The following RHOA variants were observed in gnomAD, a reference collection of about 807,000 sequenced individuals.
RHOA encodes transforming protein RhoA.
RHOA carries 3 observed loss-of-function variants against 17.5 expected under a neutral mutation model. The observed-to-expected ratio is 0.17, with a 90% CI of 0.08 to 0.44. The LOEUF (loss-of-function observed/expected upper bound fraction) is 0.44. Ranked by LOEUF, RHOA falls within the 20% of genes least tolerant of loss-of-function variation. The pLI is 0.99. For synonymous variants in RHOA, 98 were observed against 88.4 expected (o/e 1.11, Z -0.61); for missense variants, 56 against 242.3 (o/e 0.23, Z 5.10).
chr3:49,406,025 A>T (rs1255712739), intron 1 of RHOA, among the ~76,000 whole-genome samples: 1 of 152,236 alleles, frequency 6.6e-6, no homozygotes. Flanking sequence ...AAAGATAAAC[A>T]GAGCTTCATT....
chr3:49,381,722 G>C (rs758652236), intron 1 of RHOA, among the ~76,000 whole-genome samples: 1 of 151,400 alleles, frequency 6.6e-6, no homozygotes, highest in African/African-American at 2.4e-5. Flanking sequence ...AAAATTAGCC[G>C]GGCATGGTGG....
Position 49,387,117 on chromosome 3 carries a change from C to CAAAA in RHOA, c.-2-11530_-2-11527dup, listed in dbSNP as rs56262356. 8.5e-4 allele frequency among the ~76,000 whole-genome samples: 21 copies of CAAAA among 24,642 alleles called. 1 individual carries two copies. The highest frequency in any genetic ancestry group is 1.1e-3 in the African/African-American group (8 of 7,024). The allele number at this position is 24,642 out of a possible 152,430, so 16.2% of individuals were successfully genotyped here. On this transcript the variant is annotated intron_variant, in intron 1 of 4. Coordinates refer to ENST00000418115, the MANE Select transcript of RHOA (RefSeq NM_001664.4). ...GGGCAACAAGAGAGAAACTCCGTCT[C>CAAAA]AAAAAAAAAAAAAAAAAAAAAAAAA...
chr3:49,392,048 G>A (rs116526223), intron 1 of RHOA, among the ~76,000 whole-genome samples: 1,742 of 148,254 alleles, frequency 0.012, 33 homozygotes, highest in African/African-American at 0.042. Context: ...GGCTGGTCTC[G>A]AACTCCTATC....
At chr3:49,408,061 G>A (rs959559405) in intron 1 of RHOA, among the ~76,000 whole-genome samples, 1 of 151,974 alleles carries the variant, frequency 6.6e-6, no homozygotes, top group East Asian at 1.9e-4. Flanking sequence ...TCCAGAGGCC[G>A]AGGCACAAGA....
At chr3:49,368,803 G>A (rs2048100829) in intron 2 of RHOA, among the ~76,000 whole-genome samples, 1 of 150,402 alleles carries the variant, frequency 6.6e-6, no homozygotes, top group Non-Finnish European at 1.5e-5. Flanking sequence ...CGTCTCCCGG[G>A]TTCACACCAT....
At chr3:49,387,115 C>T (rs1292647932) in intron 1 of RHOA, among the ~76,000 whole-genome samples, 5 of 42,930 alleles carry the variant, frequency 1.2e-4, no homozygotes, top group Non-Finnish European at 1.8e-4. Context: ...GAAACTCCGT[C>T]TCAAAAAAAA....
At chr3:49,411,362 T>C (rs1451194976) in intron 1 of RHOA, among the ~76,000 whole-genome samples, 1 of 152,270 alleles carries the variant, frequency 6.6e-6, no homozygotes, top group Admixed American at 6.5e-5. Flanking sequence ...GAAACAGTGA[T>C]TGTCGTTTCT....
intron 1 of RHOA, among the ~76,000 whole-genome samples, chr3:49,387,441 C>A (rs1277166678): frequency 1.3e-5 from 1 of 76,964 alleles, no homozygotes; most frequent in African/African-American, 4.5e-5. Context: ...GAGACTCCAT[C>A]TCGGGGGAAA....
intron 1 of RHOA, among the ~76,000 whole-genome samples, chr3:49,389,936 CAAAA>C (rs577683876): frequency 7.8e-5 from 6 of 76,524 alleles, no homozygotes; most frequent in Admixed American, 3.0e-4. Context: ...GACTCCACCT[CAAAA>C]AAAAAAAAAA....
chr3:49,391,622 C>T (rs1480095075), intron 1 of RHOA, among the ~76,000 whole-genome samples: 1 of 151,962 alleles, frequency 6.6e-6, no homozygotes, highest in African/African-American at 2.4e-5. Flanking sequence ...CAACTCACTA[C>T]AACCTCCGCC....
intron 2 of RHOA, among the ~76,000 whole-genome samples, chr3:49,372,171 T>C (rs2048156491): frequency 6.6e-6 from 1 of 152,160 alleles, no homozygotes; most frequent in Non-Finnish European, 1.5e-5. Context: ...TGTCATCACA[T>C]TTCTACCTAG....
chr3:49,399,086 A>AAAAAAAAAAAAAAAAC (rs2048673791), intron 1 of RHOA, among the ~76,000 whole-genome samples: 1 of 132,378 alleles, frequency 7.6e-6, no homozygotes, highest in African/African-American at 2.8e-5. Context: ...AAAAAAAAAA[A>AAAAAAAAAAAAAAAAC]AGGCTGGGCA....
chr3:49,389,693 G>T (rs1013849760), intron 1 of RHOA, among the ~76,000 whole-genome samples: 2 of 152,108 alleles, frequency 1.3e-5, no homozygotes, highest in African/African-American at 4.8e-5. Flanking sequence ...TGTAATCCCA[G>T]CACTTTGGGA....
chr3:49,392,781 G>A (rs908435660), intron 1 of RHOA, among the ~76,000 whole-genome samples: 1 of 152,242 alleles, frequency 6.6e-6, no homozygotes. Flanking sequence ...GAAAGACAAC[G>A]CTGTTCTAAA....
intron 1 of RHOA, among the ~76,000 whole-genome samples, chr3:49,402,381 T>C (rs2048740011): frequency 6.6e-6 from 1 of 152,136 alleles, no homozygotes; most frequent in Non-Finnish European, 1.5e-5. Context: ...TTTTACCAAG[T>C]ATATATATTT....
At chr3:49,409,460 AT>A (rs1302633810) in intron 1 of RHOA, among the ~76,000 whole-genome samples, 1 of 152,166 alleles carries the variant, frequency 6.6e-6, no homozygotes, top group Non-Finnish European at 1.5e-5. Flanking sequence ...ACTATGTACT[AT>A]TTATCATAAT....
chr3:49,376,369 C>T (rs549531900), intron 1 of RHOA, among the ~76,000 whole-genome samples: 8 of 151,900 alleles, frequency 5.3e-5, no homozygotes, highest in East Asian at 3.9e-4. Flanking sequence ...TTGAGCCAGG[C>T]GCAGTGGCTC....
At chr3:49,394,330 C>G (rs996305077) in intron 1 of RHOA, among the ~76,000 whole-genome samples, 36 of 151,550 alleles carry the variant, frequency 2.4e-4, no homozygotes, top group African/African-American at 8.7e-4. Context: ...ATTGCCCCGA[C>G]TGGTCTCATA....
intron 1 of RHOA, among the ~76,000 whole-genome samples, chr3:49,378,269 T>C (rs1288308410): frequency 6.4e-5 from 8 of 124,896 alleles, no homozygotes; most frequent in Non-Finnish European, 1.3e-4. Context: ...TTTTTTGAGA[T>C]GAGGTCTCAC....
Sources: gnomAD v4.1 joint callset for allele counts (sites outside exome capture counted in the v4.1 genomes callset) on GRCh38, gnomAD v4.1.1 for gene constraint, MANE v1.5 for transcripts, NCBI Gene and HGNC (gene_info 2026-07-23, HGNC 2026-07-21) for gene names.